Variants in ECE1 observed in about 807,000 individuals in gnomAD.
ECE1 encodes endothelin-converting enzyme 1.
Under a neutral mutation model 98.6 loss-of-function variants are expected in ECE1, and 35 were observed. The observed-to-expected ratio is 0.35, with a 90% CI of 0.27 to 0.47. The LOEUF (loss-of-function observed/expected upper bound fraction) is 0.47, where lower values mean the gene tolerates loss of function less well. Ranked by LOEUF, ECE1 falls within the 20% of genes least tolerant of loss-of-function variation. The probability of loss-of-function intolerance (pLI) is 1.00; values close to 1 mark genes in which losing one functional copy is unlikely to be tolerated. For synonymous variants in ECE1, 394 were observed against 407.1 expected (o/e 0.97, Z 0.39); for missense variants, 814 against 1,025.3 (o/e 0.79, Z 2.81).
intron 15 of ECE1, among the ~76,000 whole-genome samples, chr1:21,227,670 TA>T (rs1387343971): frequency 6.6e-6 from 1 of 152,126 alleles, no homozygotes; most frequent in East Asian, 1.9e-4. Flanking sequence ...GACTGTGTTA[TA>T]ACATTGTCAG....
intron 16 of ECE1, 78 bp downstream of exon 16, chr1:21,227,080 AC>A (rs2098175279): frequency 6.1e-6 from 9 of 1,481,036 alleles, no homozygotes; most frequent in Admixed American, 1.7e-5. Flanking sequence ...CTGGTCTCAA[AC>A]TCCTGCCCTC....
chr1:21,283,709 C>T (rs2098257605), intron 2 of ECE1, among the ~76,000 whole-genome samples: 1 of 152,168 alleles, frequency 6.6e-6, no homozygotes. Flanking sequence ...CGCAGACCTA[C>T]CACAGGAAGT....
Position 21,221,856 on chromosome 1 carries a change from A to C in ECE1, c.2041-14T>G. 1 of 1,613,510 alleles carries C rather than the reference A, an allele frequency of 6.2e-7. No individual in the cohort carries two copies. The highest frequency in any genetic ancestry group is 8.5e-7 in the Non-Finnish European group (1 of 1,179,460). On this transcript the variant is annotated splice_polypyrimidine_tract_variant and intron_variant, in intron 17 of 18. Coordinates refer to ENST00000374893, the MANE Select transcript of ECE1 (RefSeq NM_001397.3). ...GTTCTGGTAAGCCTGGGAGGAGAGA[A>C]AACCAAAGCTCAGGGGTTCCCATGG...
chr1:21,320,746 C>A (rs1638945877), intron 1 of ECE1, among the ~76,000 whole-genome samples: 1 of 152,256 alleles, frequency 6.6e-6, no homozygotes, highest in Admixed American at 6.5e-5. Context: ...GCAGCCTCAT[C>A]TCTGTGTCTT....
Position 21,345,432 on chromosome 1 carries a change from TC to T in ECE1, c.-55del. 1 of 1,305,556 alleles carries T rather than the reference TC, an allele frequency of 7.7e-7. No homozygotes were observed. The highest frequency in any genetic ancestry group is 2.1e-5 in the South Asian group (1 of 48,380). The allele number at this position is 1,305,556 out of a possible 1,614,324, so 80.9% of individuals were successfully genotyped here. On this transcript the variant is annotated 5_prime_UTR_variant, in exon 1 of 19. Transcript: ENST00000415912. The surrounding 1 kb of genome is among the most constrained non-coding windows in gnomAD (Gnocchi z 5.1). Reference sequence around the variant, plus strand: ...CAGCTCCCCGCGCCCGGCTCCCGATTCCCAGCTCCGGGTTCCCTGCTCCCAG... The same window carrying T: ...CAGCTCCCCGCGCCCGGCTCCCGATTCCAGCTCCGGGTTCCCTGCTCCCAG...
At chr1:21,313,575 G>A (rs1638772309) in intron 1 of ECE1, among the ~76,000 whole-genome samples, 1 of 152,194 alleles carries the variant, frequency 6.6e-6, no homozygotes, top group African/African-American at 2.4e-5. Context: ...TGGGGGAGCA[G>A]GGGGCTGAGC....
chr1:21,311,486 A>C (rs1215858059), intron 1 of ECE1, among the ~76,000 whole-genome samples: 1 of 141,488 alleles, frequency 7.1e-6, no homozygotes, highest in Non-Finnish European at 1.5e-5. Context: ...CAGCCTGGGG[A>C]ACATAGTGAG....
At chr1:21,257,503 G>A (rs769207908) in intron 7 of ECE1, 22 bp downstream of exon 7, 1 of 1,613,864 alleles carries the variant, frequency 6.2e-7, no homozygotes, top group South Asian at 1.1e-5. Flanking sequence ...GAGGCAGGCT[G>A]GGAGGGGAGA....
In ECE1 at chr1:21,238,178, G is replaced by A; in HGVS notation, c.1345C>T (p.Pro449Ser). The A allele has an allele frequency of 6.2e-7, 1 of 1,614,224 alleles. No homozygotes were observed. The highest frequency in any genetic ancestry group is 8.5e-7 in the Non-Finnish European group (1 of 1,180,042). The change falls in exon 11 of 19, where the codon CCC becomes TCC. Residue 449 changes from proline (P) to serine (S), a missense_variant. By Grantham distance (74) the Pro-to-Ser change is moderately conservative (BLOSUM62 -1). Around this residue, in one of 3 missense-constraint regions of ECE1, gnomAD observed 452 missense variants for 567.3 expected, o/e 0.80. Coordinates refer to ENST00000374893, the MANE Select transcript of ECE1 (RefSeq NM_001397.3). The stretch of plus-strand genomic sequence containing the variant: ...GCGAAGGTTGCTTTGACAAACATGG[G>A]GCCCAACGCAAAGCCCAGGTTGTTT... ...TENNLGFALGPMFVKATFAED... is the reference protein window; with the variant it reads ...TENNLGFALGSMFVKATFAED...
chr1:21,224,788 G>C (rs548603422), intron 17 of ECE1, among the ~76,000 whole-genome samples: 1 of 152,336 alleles, frequency 6.6e-6, no homozygotes, highest in East Asian at 1.9e-4. Flanking sequence ...AATGCAGGTA[G>C]TAGCTAATCA....
In ECE1 at chr1:21,328,744, C is replaced by T. The variant is rs1001684303; in HGVS notation, c.3+16632G>A. ...CTCCACTGTACTCCAGCCTGAGCAACAAGAGCGAACCTCCATCTCGAAAAA... is the reference window on the plus strand; with the variant it reads ...CTCCACTGTACTCCAGCCTGAGCAATAAGAGCGAACCTCCATCTCGAAAAA... On this transcript the variant is annotated intron_variant, in intron 1 of 18. Coordinates refer to the ECE1 transcript ENST00000415912. Among the ~76,000 whole-genome samples, 5 of 114,826 alleles carry T rather than the reference C, an allele frequency of 4.4e-5. No homozygotes were observed. In the Admixed American group the frequency reaches 6.0e-4, roughly 14 times the overall value. The allele number at this position is 114,826 out of a possible 152,430, so 75.3% of individuals were successfully genotyped here. A position where few individuals can be genotyped will look rare whatever the true frequency, so the allele number is the denominator to read the frequency against.
chr1:21,345,343 G>A lies in ECE1; in HGVS notation c.3+33C>T. ...TGCCCGCGACCGTCGAGGCTGGGCT[G>A]GACCGGACCAGACCTCCGCGCGCAG... On this transcript the variant is annotated intron_variant, in intron 1 of 18. Transcript: ENST00000415912. The surrounding 1 kb of genome is among the most constrained non-coding windows in gnomAD (Gnocchi z 5.1). 2 of 1,363,202 alleles carry A rather than the reference G, an allele frequency of 1.5e-6. No homozygotes were observed. The highest frequency in any genetic ancestry group is 1.9e-6 in the Non-Finnish European group (2 of 1,049,850). 84.4% of individuals were successfully genotyped at this position (1,363,202 alleles called of 1,614,324 possible). A position where few individuals can be genotyped will look rare whatever the true frequency, so the allele number is the denominator to read the frequency against.
chr1:21,291,551 A>G (rs1485094259), upstream of ECE1, among the ~76,000 whole-genome samples: 1 of 152,156 alleles, frequency 6.6e-6, no homozygotes, highest in Admixed American at 6.5e-5. Context: ...GCCAGGCACC[A>G]TGGCTCGCTC....
At chr1:21,325,805 C>A (rs960275170) in intron 1 of ECE1, among the ~76,000 whole-genome samples, 1 of 152,216 alleles carries the variant, frequency 6.6e-6, no homozygotes. Flanking sequence ...GAAACAGGTA[C>A]GAGAAGCAAC....
chr1:21,238,374 G>A lies in ECE1; in HGVS notation c.1279-130C>T, dbSNP rs191179872. On this transcript the variant is annotated intron_variant, in intron 10 of 18. Transcript: ENST00000374893. ...AGTTCAGGGAGAGCTTTCCGACCCA[G>A]TAAAGTTATTTTAGTCACCGGACCA... The A allele has an allele frequency of 2.7e-5, 21 of 769,710 alleles. No homozygotes were observed. The Admixed American group carries it at 3.4e-4, about 13-fold the overall frequency. The allele number at this position is 769,710 out of a possible 1,614,324, so 47.7% of individuals were successfully genotyped here.
chr1:21,272,355 G>A (rs770528743), intron 4 of ECE1, among the ~76,000 whole-genome samples: 5 of 152,124 alleles, frequency 3.3e-5, no homozygotes, highest in Non-Finnish European at 5.9e-5. Flanking sequence ...GCAGTGGCGC[G>A]ATCTCGGCTC....
At chr1:21,296,470 G>A (rs576527680) in intron 1 of ECE1, among the ~76,000 whole-genome samples, 4 of 152,206 alleles carry the variant, frequency 2.6e-5, no homozygotes, top group South Asian at 2.1e-4. Flanking sequence ...CTGAGATCAC[G>A]CCACTGCACT....
chr1:21,236,550 G>A (rs1384624486), intron 12 of ECE1, among the ~76,000 whole-genome samples, 196 bp downstream of exon 12: 1 of 152,252 alleles, frequency 6.6e-6, no homozygotes, highest in Non-Finnish European at 1.5e-5. Flanking sequence ...TCGGGAGGCT[G>A]AGGTGGGAGA....
At position 21,279,558 on chromosome 1, in the gene ECE1, C is replaced by T. The variant is rs1294175166; in HGVS notation, c.139-226G>A. ...CCAAACATCAGAGAGTCAAGCAGCT[C>T]GGCCCCGACAGGCTTGTTTTTTTGT... is the stretch of plus-strand genomic sequence containing the variant. On this transcript the variant is annotated intron_variant, in intron 2 of 18. Coordinates refer to ENST00000374893, the MANE Select transcript of ECE1 (RefSeq NM_001397.3). 34 of 1,445,512 alleles carry T rather than the reference C, an allele frequency of 2.4e-5. No individual in the cohort carries two copies. In the Admixed American group the frequency reaches 2.6e-4, roughly 11 times the overall value. The allele number at this position is 1,445,512 out of a possible 1,614,324, so 89.5% of individuals were successfully genotyped here.
Sources: allele counts gnomAD v4.1 joint callset (sites outside exome capture counted in the v4.1 genomes callset), GRCh38; gene constraint gnomAD v4.1.1; regional missense constraint gnomAD v4.1.1; non-coding constraint Gnocchi (gnomAD v3.1); transcripts MANE v1.5; gene names NCBI Gene and HGNC (gene_info 2026-07-23, HGNC 2026-07-21).